The following RANBP2 variants were observed in gnomAD, a reference collection of about 807,000 sequenced individuals.
The protein encoded by RANBP2 is E3 SUMO-protein ligase RanBP2.
A neutral mutation model predicts 303.6 loss-of-function variants in RANBP2; 57 were observed. The ratio of observed to expected loss-of-function variants is 0.19; its 90% CI spans 0.15 to 0.23. The LOEUF (loss-of-function observed/expected upper bound fraction) is 0.23, where lower values mean the gene tolerates loss of function less well. RANBP2 is among the 10% of genes least tolerant of loss of function. The pLI, the probability that RANBP2 is intolerant of heterozygous loss-of-function variation, is 1.00. For synonymous variants in RANBP2, 1,167 were observed against 1,301.5 expected, an observed-to-expected ratio of 0.90 and a Z score of 2.23; for missense variants, 3,138 against 3,780.8, an observed-to-expected ratio of 0.83 and a Z score of 4.46.
At chr2:108,749,750 C>A (rs181653010) in intron 9 of RANBP2, among the ~76,000 whole-genome samples, 6,161 of 152,156 alleles carry the variant, frequency 0.04, 419 homozygotes, top group African/African-American at 0.14. Flanking sequence ...TGCCACTCGG[C>A]CCAGATAATT....
the RANBP2 span, among the ~76,000 whole-genome samples, chr2:109,055,746 T>C: frequency 6.9e-6 from 1 of 145,258 alleles, no homozygotes; most frequent in South Asian, 2.2e-4. Context: ...GGAATCCTTG[T>C]GACAGCTCTA....
the RANBP2 span, among the ~76,000 whole-genome samples, chr2:109,539,032 G>T: frequency 2.0e-5 from 3 of 152,164 alleles, no homozygotes; most frequent in Non-Finnish European, 2.9e-5. Flanking sequence ...GGGAGCGGTG[G>T]TTCACGCCTG....
the RANBP2 span, among the ~76,000 whole-genome samples, chr2:109,645,882 G>A: frequency 6.6e-6 from 1 of 152,144 alleles, no homozygotes; most frequent in African/African-American, 2.4e-5. Flanking sequence ...GCTCTCAGGG[G>A]TGCGCCATTC....
the RANBP2 span, among the ~76,000 whole-genome samples, chr2:109,719,107 T>C: frequency 2.7e-3 from 410 of 150,328 alleles, no homozygotes; most frequent in Non-Finnish European, 5.0e-3. Flanking sequence ...CTTTTTTTTT[T>C]TTTTTTGAGA....
At chr2:109,253,071 A>G in the RANBP2 span, among the ~76,000 whole-genome samples, 1 of 151,892 alleles carries the variant, frequency 6.6e-6, no homozygotes, top group Non-Finnish European at 1.5e-5. Flanking sequence ...TCTGTTGCCC[A>G]GGCTGGAGTG....
chr2:109,683,067 G>A, the RANBP2 span, among the ~76,000 whole-genome samples: 3,221 of 152,126 alleles, frequency 0.021, 98 homozygotes, highest in East Asian at 0.13. Context: ...GTGCAGTGGC[G>A]TGATGTCGGC....
the RANBP2 span, among the ~76,000 whole-genome samples, chr2:109,556,914 G>A: frequency 8.5e-5 from 13 of 152,096 alleles, no homozygotes; most frequent in South Asian, 1.0e-3. Flanking sequence ...GCAAACTATC[G>A]CAAGGACAAA....
the RANBP2 span, among the ~76,000 whole-genome samples, chr2:109,017,863 C>T: frequency 8.8e-4 from 134 of 152,248 alleles, no homozygotes; most frequent in African/African-American, 3.1e-3. Flanking sequence ...CTAAATCCCC[C>T]GTTGTTAGGC....
At chr2:109,671,875 T>C in the RANBP2 span, among the ~76,000 whole-genome samples, 3 of 151,170 alleles carry the variant, frequency 2.0e-5, no homozygotes, top group Admixed American at 6.6e-5. Context: ...AGGTATCTTA[T>C]AGGCCATTTG....
chr2:108,925,132 C>T, the RANBP2 span, among the ~76,000 whole-genome samples: 15 of 150,382 alleles, frequency 1.0e-4, no homozygotes, highest in Non-Finnish European at 1.5e-4. Context: ...GCCTTGTTCA[C>T]GTCTATTGGT....
chr2:109,238,459 G>A, the RANBP2 span, among the ~76,000 whole-genome samples: 1 of 51,144 alleles, frequency 2.0e-5, no homozygotes, highest in Non-Finnish European at 3.8e-5. Context: ...TTGTGTGTGT[G>A]TGTGTGTGTG....
the RANBP2 span, chr2:109,574,735 T>C: frequency 6.3e-7 from 1 of 1,598,742 alleles, no homozygotes; most frequent in Non-Finnish European, 8.5e-7. Flanking sequence ...GGCCTCAAAC[T>C]GAGCATCTAT....
intron 9 of RANBP2, among the ~76,000 whole-genome samples, chr2:108,750,485 C>T (rs1675787728): frequency 6.6e-6 from 1 of 152,226 alleles, no homozygotes; most frequent in African/African-American, 2.4e-5. Context: ...AGGCCATGAA[C>T]ATCTTTAAGT....
chr2:109,106,973 T>C, the RANBP2 span, among the ~76,000 whole-genome samples: 1 of 149,320 alleles, frequency 6.7e-6, no homozygotes, highest in Non-Finnish European at 1.5e-5. Context: ...AGTCTCGTTC[T>C]GTCACCCAGG....
chr2:109,269,623 A>AT, the RANBP2 span, among the ~76,000 whole-genome samples: 1 of 152,182 alleles, frequency 6.6e-6, no homozygotes, highest in Non-Finnish European at 1.5e-5. Flanking sequence ...TCTACTAAAA[A>AT]TAAAAAAAAT....
chr2:109,229,915 C>T, the RANBP2 span, among the ~76,000 whole-genome samples: 2 of 150,760 alleles, frequency 1.3e-5, no homozygotes, highest in African/African-American at 2.4e-5. Context: ...AGCTCTGCCT[C>T]CTGGGTTCAC....
chr2:109,015,672 C>T, the RANBP2 span, among the ~76,000 whole-genome samples: 1,914 of 151,968 alleles, frequency 0.013, 16 homozygotes, highest in South Asian at 0.027. Context: ...GCAGGAGAAT[C>T]GCTTAAACTC....
chr2:108,852,491 G>A, the RANBP2 span, among the ~76,000 whole-genome samples: 22 of 152,152 alleles, frequency 1.4e-4, no homozygotes, highest in Non-Finnish European at 2.8e-4. Flanking sequence ...GCAAAGTCAC[G>A]GAATCAACCC....
the RANBP2 span, among the ~76,000 whole-genome samples, chr2:108,803,659 G>A: frequency 1.3e-5 from 2 of 152,276 alleles, no homozygotes; most frequent in Non-Finnish European, 2.9e-5. Flanking sequence ...GAGGCAAAAT[G>A]TTGAGAGAAG....
Sources: gnomAD v4.1 joint callset for allele counts (sites outside exome capture counted in the v4.1 genomes callset) on GRCh38, gnomAD v4.1.1 for gene constraint, MANE v1.5 for transcripts, NCBI Gene and HGNC (gene_info 2026-07-23, HGNC 2026-07-21) for gene names.